CELF2: variants seen among roughly 807,000 people sequenced by gnomAD.
The protein encoded by CELF2 is CUG triplet repeat RNA-binding protein 2.
In CELF2, 8 loss-of-function variants were observed where a neutral mutation model predicts 62.6. The ratio of observed to expected loss-of-function variants is 0.13; its 90% CI spans 0.07 to 0.23. The LOEUF is 0.23. Among genes scored for constraint, CELF2 ranks in the 10% least tolerant of loss-of-function variants. The probability of loss-of-function intolerance (pLI) is 1.00; values close to 1 mark genes in which losing one functional copy is unlikely to be tolerated. For synonymous variants in CELF2, 258 were observed against 250.0 expected (o/e 1.03, Z -0.30); for missense variants, 333 against 671.0 (o/e 0.50, Z 5.56).
At chr10:11,103,520 G>T (rs2142751700) in intron 1 of CELF2, among the ~76,000 whole-genome samples, 3 of 112,396 alleles carry the variant, frequency 2.7e-5, no homozygotes, top group African/African-American at 4.2e-5. Context: ...TGTGAACTCT[G>T]AAACCAGGTT....
At chr10:10,932,324 G>A (rs1480577856) in intron 2 of CELF2, among the ~76,000 whole-genome samples, 1 of 152,020 alleles carries the variant, frequency 6.6e-6, no homozygotes, top group Non-Finnish European at 1.5e-5. Flanking sequence ...AATAACTTTG[G>A]GAGATCTATT....
chr10:11,109,259 C>T (rs1450001856), intron 1 of CELF2, among the ~76,000 whole-genome samples: 1 of 152,104 alleles, frequency 6.6e-6, no homozygotes, highest in Non-Finnish European at 1.5e-5. Flanking sequence ...ATCTGTTTTC[C>T]TGTAATGTGT....
chr10:10,941,955 C>A (rs190358784), intron 2 of CELF2, among the ~76,000 whole-genome samples: 3 of 148,460 alleles, frequency 2.0e-5, no homozygotes, highest in Non-Finnish European at 4.4e-5. Context: ...GATCACAGCA[C>A]TTCACTCCAG....
At chr10:11,169,785 G>A (rs1489961881) in intron 2 of CELF2, among the ~76,000 whole-genome samples, 4 of 152,162 alleles carry the variant, frequency 2.6e-5, no homozygotes, top group South Asian at 2.1e-4. Flanking sequence ...AGGGACAGAC[G>A]GACAGTGGAA....
chr10:11,069,280 G>A (rs1387477308), intron 1 of CELF2, among the ~76,000 whole-genome samples: 1 of 152,144 alleles, frequency 6.6e-6, no homozygotes, highest in East Asian at 1.9e-4. Flanking sequence ...CAAAGAAAAG[G>A]ATCATGATTA....
intron 1 of CELF2, among the ~76,000 whole-genome samples, chr10:10,830,339 C>T (rs1304358967): frequency 7.1e-6 from 1 of 140,290 alleles, no homozygotes; most frequent in Non-Finnish European, 1.5e-5. Context: ...ATAATTCAAA[C>T]AGTATTTATA....
the CELF2 span, among the ~76,000 whole-genome samples, chr10:10,779,689 A>G: frequency 6.6e-6 from 1 of 152,208 alleles, no homozygotes; most frequent in Admixed American, 6.5e-5. Context: ...CCTCATCTCA[A>G]GAGATCTGAA....
rs2093871506 is a variant in CELF2, at chr10:11,302,611, G to A, written c.977-11528G>A. On this transcript the variant is annotated intron_variant, in intron 9 of 12. Coordinates refer to ENST00000633077, the MANE Select transcript of CELF2 (RefSeq NM_001326342.2). This position sits in a 1 kb window ranked among gnomAD's most constrained non-coding sequence, Gnocchi z 5.0. ...AGGGACTTGACACCACACAACTGTG[G>A]TCTTTTTCTTGGTGACTTTCTCTGT... Among the ~76,000 whole-genome samples the A allele has an allele frequency of 6.6e-6, 1 of 152,188 alleles. No homozygotes were observed. The highest frequency in any genetic ancestry group is 2.4e-5 in the African/African-American group (1 of 41,444).
intron 8 of CELF2, among the ~76,000 whole-genome samples, chr10:11,283,974 A>G (rs1384429382): frequency 7.2e-6 from 1 of 139,536 alleles, no homozygotes; most frequent in Non-Finnish European, 1.6e-5. Context: ...TGGGTGGATG[A>G]CGGATGAGTG....
chr10:11,211,769 TGAGA>T lies in CELF2; in HGVS notation c.272-5654_272-5651del, dbSNP rs1277523809. Among the ~76,000 whole-genome samples, 6 of 150,310 alleles carry T rather than the reference TGAGA, an allele frequency of 4.0e-5. No homozygotes were observed. Among genetic ancestry groups the T allele is most frequent in the Non-Finnish European group, 8.9e-5 (6 of 67,720 alleles). On this transcript the variant is annotated intron_variant, in intron 2 of 12. Coordinates refer to ENST00000633077, the MANE Select transcript of CELF2 (RefSeq NM_001326342.2). The surrounding 1 kb of genome is among the most constrained non-coding windows in gnomAD (Gnocchi z 4.8). ...AAACACACTACTGTGTGTGAGTGAGTGAGAGTGTGTGTGTATGTGTGTGAGAGAG... is the reference window on the plus strand; with the variant it reads ...AAACACACTACTGTGTGTGAGTGAGTGTGTGTGTGTATGTGTGTGAGAGAG...
the CELF2 span, among the ~76,000 whole-genome samples, chr10:10,663,002 T>A: frequency 1.3e-5 from 2 of 152,230 alleles, no homozygotes; most frequent in Non-Finnish European, 2.9e-5. Flanking sequence ...GGAGCTATTG[T>A]TCCACTTCTA....
intron 1 of CELF2, among the ~76,000 whole-genome samples, chr10:10,799,230 G>C (rs947413305): frequency 6.6e-6 from 1 of 152,032 alleles, no homozygotes; most frequent in Non-Finnish European, 1.5e-5. Flanking sequence ...CTATAATCCC[G>C]CACTTTGGGA....
chr10:10,553,617 A>G, the CELF2 span, among the ~76,000 whole-genome samples: 1 of 152,200 alleles, frequency 6.6e-6, no homozygotes, highest in Non-Finnish European at 1.5e-5. Flanking sequence ...TCTGCTTTCC[A>G]GGATGAGATG....
the CELF2 span, among the ~76,000 whole-genome samples, chr10:10,552,712 G>A: frequency 6.5e-3 from 995 of 152,306 alleles, 9 homozygotes; most frequent in African/African-American, 0.023. Context: ...GAGATCCCAT[G>A]GGGAGCATTT....
chr10:10,915,012 A>G (rs1322671368), intron 1 of CELF2, among the ~76,000 whole-genome samples: 1 of 152,012 alleles, frequency 6.6e-6, no homozygotes, highest in African/African-American at 2.4e-5. Flanking sequence ...TGTGCCTGTA[A>G]TCCCAGCTAC....
chr10:11,214,701 G>C lies in CELF2; in HGVS notation c.272-2724G>C, dbSNP rs997583437. Among the ~76,000 whole-genome samples the C allele has an allele frequency of 6.6e-6, 1 of 152,202 alleles. No individual in the cohort carries two copies. Among genetic ancestry groups the C allele is most frequent in the Non-Finnish European group, 1.5e-5 (1 of 68,040 alleles). On this transcript the variant is annotated intron_variant, in intron 2 of 12. Transcript: ENST00000633077. This position sits in a 1 kb window ranked among gnomAD's most constrained non-coding sequence, Gnocchi z 4.2. ...GCAGTGTTACCTACGGTATCCTCCT[G>C]CGTGTCACACTGGAACTAGAGCTTC...
the CELF2 span, among the ~76,000 whole-genome samples, chr10:10,490,967 A>G: frequency 6.6e-6 from 1 of 152,208 alleles, no homozygotes; most frequent in South Asian, 2.1e-4. Context: ...AGAGGAGCAA[A>G]TGGTATGAAG....
chr10:11,160,990 A>G (rs1315666012), intron 1 of CELF2, among the ~76,000 whole-genome samples: 1 of 152,220 alleles, frequency 6.6e-6, no homozygotes, highest in Non-Finnish European at 1.5e-5. Flanking sequence ...TGGGCCTTAT[A>G]AAAGCTTGTT....
the CELF2 span, among the ~76,000 whole-genome samples, chr10:10,574,037 A>C: frequency 6.6e-6 from 1 of 152,200 alleles, no homozygotes; most frequent in Non-Finnish European, 1.5e-5. Context: ...GTCACAGAGG[A>C]CCTCAGAAAT....
Sources: allele counts gnomAD v4.1 joint callset (sites outside exome capture counted in the v4.1 genomes callset), GRCh38; gene constraint gnomAD v4.1.1; non-coding constraint Gnocchi (gnomAD v3.1); transcripts MANE v1.5; gene names NCBI Gene and HGNC (gene_info 2026-07-23, HGNC 2026-07-21).